Variants in MAD1L1 observed in about 807,000 individuals in gnomAD.
MAD1L1 encodes the protein mitotic arrest deficient 1 like 1, also known as mitotic spindle assembly checkpoint protein MAD1.
A neutral mutation model predicts 96.9 loss-of-function variants in MAD1L1; 95 were observed. The ratio of observed to expected loss-of-function variants is 0.98; its 90% CI spans 0.83 to 1.16. The LOEUF (loss-of-function observed/expected upper bound fraction) is 1.16. Among genes scored for constraint, MAD1L1 ranks in the 50% most tolerant of loss-of-function variants. The probability of loss-of-function intolerance (pLI) is 0.00; values close to 1 mark genes in which losing one functional copy is unlikely to be tolerated. For synonymous variants in MAD1L1, 473 were observed against 396.6 expected (o/e 1.19, Z -2.29); for missense variants, 1,007 against 954.4 (o/e 1.06, Z -0.73).
intron 13 of MAD1L1, among the ~76,000 whole-genome samples, chr7:2,011,758 C>T (rs1445444491): frequency 6.6e-6 from 1 of 152,190 alleles, no homozygotes; most frequent in African/African-American, 2.4e-5. Flanking sequence ...AGGGAACAGC[C>T]AGGGGCCTGG....
chr7:1,817,885 C>T (rs769208400), intron 18 of MAD1L1, among the ~76,000 whole-genome samples: 1 of 151,912 alleles, frequency 6.6e-6, no homozygotes, highest in Non-Finnish European at 1.5e-5. Flanking sequence ...TGGTGTCGCC[C>T]CTCCCCTCAC....
At chr7:2,216,085 T>C in intron 8 of MAD1L1, 72 bp downstream of exon 8, 1 of 1,608,720 alleles carries the variant, frequency 6.2e-7, no homozygotes, top group Non-Finnish European at 8.5e-7. Flanking sequence ...CTACAGGGTC[T>C]GCACAGTGGG....
intron 10 of MAD1L1, among the ~76,000 whole-genome samples, chr7:2,170,956 C>T (rs932203914): frequency 3.9e-5 from 6 of 152,090 alleles, no homozygotes; most frequent in African/African-American, 1.4e-4. Flanking sequence ...GGGGGGTTGG[C>T]GGTTATAGGT....
chr7:2,102,767 C>A (rs1350636953), intron 11 of MAD1L1, among the ~76,000 whole-genome samples: 1 of 152,122 alleles, frequency 6.6e-6, no homozygotes, highest in East Asian at 1.9e-4. Flanking sequence ...ACCACGGTCA[C>A]CGCCACCCTC....
chr7:1,844,860 T>C (rs1314435444), intron 18 of MAD1L1, among the ~76,000 whole-genome samples: 1 of 152,234 alleles, frequency 6.6e-6, no homozygotes, highest in Non-Finnish European at 1.5e-5. Flanking sequence ...TGTCCTCCTC[T>C]GCGAGTGGGA....
At position 1,957,569 on chromosome 7, in the gene MAD1L1, G is replaced by A. The variant is rs1027226809; in HGVS notation, c.1596+60C>T. On this transcript the variant is annotated intron_variant, in intron 16 of 18. Transcript: ENST00000265854. Reference sequence around the variant, plus strand: ...GGCAGCAGGAACCACGGTCGTTCACGACGCCCAAAGAAATGAGAGGCCCAG... The same window carrying A: ...GGCAGCAGGAACCACGGTCGTTCACAACGCCCAAAGAAATGAGAGGCCCAG... The A allele has an allele frequency of 9.6e-5, 148 of 1,536,142 alleles. No homozygotes were observed. In the Admixed American group the frequency reaches 2.4e-3, roughly 25 times the overall value.
At chr7:1,842,029 C>G (rs1265165080) in intron 18 of MAD1L1, among the ~76,000 whole-genome samples, 2 of 152,232 alleles carry the variant, frequency 1.3e-5, no homozygotes, top group Non-Finnish European at 2.9e-5. Flanking sequence ...GCGTCACCAT[C>G]CGCTGCAAAT....
chr7:1,840,550 C>A (rs953166344), intron 18 of MAD1L1, among the ~76,000 whole-genome samples: 2 of 152,050 alleles, frequency 1.3e-5, no homozygotes, highest in African/African-American at 4.8e-5. Context: ...GCCAACATGG[C>A]AAAACCCCGT....
intron 11 of MAD1L1, among the ~76,000 whole-genome samples, chr7:2,117,405 G>T (rs1189745490): frequency 6.6e-6 from 1 of 152,200 alleles, no homozygotes; most frequent in Non-Finnish European, 1.5e-5. Context: ...ACAGGCAGCT[G>T]CCCATTCACA....
intron 10 of MAD1L1, among the ~76,000 whole-genome samples, chr7:2,195,962 A>T (rs1480814215): frequency 6.6e-6 from 1 of 152,276 alleles, no homozygotes; most frequent in Non-Finnish European, 1.5e-5. Context: ...GGCAGCTCCC[A>T]ACAGAATCCT....
At chr7:1,863,982 G>A (rs1784653494) in intron 18 of MAD1L1, among the ~76,000 whole-genome samples, 3 of 137,258 alleles carry the variant, frequency 2.2e-5, no homozygotes, top group Non-Finnish European at 4.6e-5. Context: ...CAGCTACTCT[G>A]GAGGCTGAGG....
At chr7:2,208,668 A>G (rs148758963) in intron 10 of MAD1L1, among the ~76,000 whole-genome samples, 47 of 152,122 alleles carry the variant, frequency 3.1e-4, no homozygotes, top group Admixed American at 4.6e-4. Flanking sequence ...CTTTCATTCT[A>G]CTGAAACAGG....
At chr7:2,095,893 G>T (rs1208645131) in intron 11 of MAD1L1, among the ~76,000 whole-genome samples, 2 of 152,218 alleles carry the variant, frequency 1.3e-5, no homozygotes, top group Non-Finnish European at 2.9e-5. Flanking sequence ...GTGCCTGAAG[G>T]AGAGAGGCGA....
intron 18 of MAD1L1, among the ~76,000 whole-genome samples, chr7:1,863,597 G>C (rs982510977): frequency 4.6e-5 from 7 of 152,184 alleles, no homozygotes; most frequent in African/African-American, 1.7e-4. Flanking sequence ...GAGGAGACTT[G>C]GGCTTGCAGA....
chr7:2,231,010 C>A (rs1562395251), intron 1 of MAD1L1, among the ~76,000 whole-genome samples: 2 of 152,324 alleles, frequency 1.3e-5, no homozygotes, highest in South Asian at 4.1e-4. Flanking sequence ...CAGGAGCACT[C>A]ACAGCAAAGT....
intron 18 of MAD1L1, among the ~76,000 whole-genome samples, chr7:1,843,496 G>A (rs1298722478): frequency 2.0e-5 from 3 of 152,176 alleles, no homozygotes; most frequent in South Asian, 2.1e-4. Flanking sequence ...GCTTTTCCGC[G>A]CTTCCCCGTG....
intron 3 of MAD1L1, among the ~76,000 whole-genome samples, chr7:2,229,430 A>C (rs1429674545): frequency 6.6e-6 from 1 of 152,246 alleles, no homozygotes; most frequent in Non-Finnish European, 1.5e-5. Context: ...CTACAGTGAG[A>C]AACCCCAAGA....
intron 10 of MAD1L1, among the ~76,000 whole-genome samples, chr7:2,185,729 G>C (rs1791427828): frequency 6.6e-6 from 1 of 152,042 alleles, no homozygotes; most frequent in African/African-American, 2.4e-5. Context: ...TGGGGATTGA[G>C]GTGGAAAAGG....
chr7:2,031,864 A>C (rs534693195), intron 12 of MAD1L1, among the ~76,000 whole-genome samples: 1 of 152,384 alleles, frequency 6.6e-6, no homozygotes, highest in East Asian at 1.9e-4. Flanking sequence ...CGTGGGAAAC[A>C]GACAGCACAG....
Sources: gnomAD v4.1 joint callset for allele counts (sites outside exome capture counted in the v4.1 genomes callset) on GRCh38, gnomAD v4.1.1 for gene constraint, MANE v1.5 for transcripts, NCBI Gene and HGNC (gene_info 2026-07-23, HGNC 2026-07-21) for gene names.